The following ADAMTS19 variants were observed in gnomAD, a reference collection of about 807,000 sequenced individuals.
The protein encoded by ADAMTS19 is A disintegrin and metalloproteinase with thrombospondin motifs 19.
In ADAMTS19, 93 loss-of-function variants were observed where a neutral mutation model predicts 153.3. The observed-to-expected ratio is 0.61, with a 90% CI of 0.51 to 0.72. The LOEUF (loss-of-function observed/expected upper bound fraction) is 0.72, where lower values mean the gene tolerates loss of function less well. Ranked by LOEUF, ADAMTS19 falls within the 30% of genes least tolerant of loss-of-function variation. The pLI is 0.00. For missense variants in ADAMTS19, 1,482 were observed against 1,552.1 expected (o/e 0.95, Z 0.76); for synonymous variants, 600 against 556.6 (o/e 1.08, Z -1.10).
intron 2 of ADAMTS19, among the ~76,000 whole-genome samples, chr5:129,479,246 C>T (rs1247929225): frequency 6.6e-6 from 1 of 152,014 alleles, no homozygotes; most frequent in Admixed American, 6.6e-5. Context: ...ATCCTTTGAT[C>T]CAAGATATGG....
chr5:129,584,906 C>A (rs114553076), intron 7 of ADAMTS19, among the ~76,000 whole-genome samples: 1,727 of 152,220 alleles, frequency 0.011, 32 homozygotes, highest in African/African-American at 0.039. Flanking sequence ...GGGAGTGATT[C>A]GTTCTGTCTT....
rs144199225 is a variant in ADAMTS19, at chr5:129,711,398, G to A, written c.3312+7007G>A. 3.4e-3 allele frequency among the ~76,000 whole-genome samples: 522 copies of A among 152,242 alleles called. 4 individuals carry two copies. Among genetic ancestry groups the A allele is most frequent in the African/African-American group, 0.012 (508 of 41,542 alleles). On this transcript the variant is annotated intron_variant, in intron 21 of 22. Transcript: ENST00000274487. ...CATATTAATCTGACAATTCTTGACT[G>A]GGCACGGTGGCTCACGCCTGTAATC... is the stretch of plus-strand genomic sequence containing the variant.
chr5:129,599,857 G>T (rs2126927050), intron 8 of ADAMTS19, among the ~76,000 whole-genome samples: 1 of 152,224 alleles, frequency 6.6e-6, no homozygotes, highest in East Asian at 1.9e-4. Flanking sequence ...ATACTTGATG[G>T]ACTAGGACCA....
At chr5:129,625,058 A>G (rs1037969557) in intron 10 of ADAMTS19, among the ~76,000 whole-genome samples, 7 of 151,352 alleles carry the variant, frequency 4.6e-5, no homozygotes, top group South Asian at 4.2e-4. Context: ...TCATTGTTCA[A>G]TTTCGACCTA....
intron 13 of ADAMTS19, among the ~76,000 whole-genome samples, chr5:129,649,609 G>C (rs1343135507): frequency 6.6e-6 from 1 of 152,174 alleles, no homozygotes; most frequent in Non-Finnish European, 1.5e-5. Flanking sequence ...GTAGAATGAG[G>C]AAGATCTTTG....
chr5:129,660,973 C>T (rs1753791805), intron 15 of ADAMTS19, among the ~76,000 whole-genome samples: 1 of 152,140 alleles, frequency 6.6e-6, no homozygotes, highest in South Asian at 2.1e-4. Flanking sequence ...CAACAGCCTC[C>T]GCCACACACA....
intron 11 of ADAMTS19, among the ~76,000 whole-genome samples, chr5:129,646,116 C>T (rs1753057357): frequency 6.6e-6 from 1 of 151,230 alleles, no homozygotes; most frequent in African/African-American, 2.4e-5. Context: ...TCTCGATCTC[C>T]TGACCTCGTG....
At chr5:129,647,727 C>T (rs1373551648) in intron 11 of ADAMTS19, 38 bp from the exon 12 acceptor site, 37 of 1,602,752 alleles carry the variant, frequency 2.3e-5, no homozygotes, top group Non-Finnish European at 3.0e-5. Flanking sequence ...TTCAGTTGTG[C>T]CCTGATTTGT....
intron 14 of ADAMTS19, among the ~76,000 whole-genome samples, chr5:129,658,343 A>AAGAAAGAAAGAGAGAGAGAGAGAG (rs1554103334): frequency 5.3e-5 from 6 of 112,214 alleles, no homozygotes; most frequent in African/African-American, 2.4e-4. Context: ...GAAAGAAAGA[A>AAGAAAGAAAGAGAGAGAGAGAGAG]AGAAAGAAAG....
At position 129,521,269 on chromosome 5, in the gene ADAMTS19, G is replaced by A. The variant is rs186858139; in HGVS notation, c.914-5015G>A. Among the ~76,000 whole-genome samples the A allele has an allele frequency of 5.9e-5, 9 of 151,764 alleles. No individual in the cohort carries two copies. The East Asian group carries it at 1.7e-3, about 29-fold the overall frequency. Reference sequence around the variant, plus strand: ...GTTTGTTAAAAGCAAAATTTTTACCGAGAGCACAGAGTATACATCTAGGTG... The same window carrying A: ...GTTTGTTAAAAGCAAAATTTTTACCAAGAGCACAGAGTATACATCTAGGTG... On this transcript the variant is annotated intron_variant, in intron 3 of 22. Coordinates refer to ENST00000274487, the MANE Select transcript of ADAMTS19 (RefSeq NM_133638.6).
chr5:129,725,539 G>C (rs1178415729), intron 21 of ADAMTS19, among the ~76,000 whole-genome samples: 2 of 152,060 alleles, frequency 1.3e-5, no homozygotes, highest in East Asian at 3.9e-4. Context: ...CCCAATTCCT[G>C]AGATCTTATT....
At chr5:129,726,794 G>C (rs1757228957) in intron 21 of ADAMTS19, among the ~76,000 whole-genome samples, 1 of 151,990 alleles carries the variant, frequency 6.6e-6, no homozygotes, top group African/African-American at 2.4e-5. Context: ...TTTCCCATTT[G>C]AATTACAAAA....
intron 2 of ADAMTS19, among the ~76,000 whole-genome samples, chr5:129,478,600 G>A (rs1289927944): frequency 1.3e-5 from 2 of 152,170 alleles, no homozygotes; most frequent in African/African-American, 4.8e-5. Flanking sequence ...AGTCTGGAGT[G>A]CAGCGGTGTG....
intron 8 of ADAMTS19, among the ~76,000 whole-genome samples, chr5:129,610,090 G>C (rs994236815): frequency 2.5e-5 from 1 of 40,432 alleles, no homozygotes; most frequent in Admixed American, 2.0e-4. Context: ...CTAGGTAGTG[G>C]TATTATATAT....
intron 7 of ADAMTS19, among the ~76,000 whole-genome samples, chr5:129,588,253 T>G (rs1371538632): frequency 6.6e-6 from 1 of 152,172 alleles, no homozygotes; most frequent in Non-Finnish European, 1.5e-5. Context: ...GAGGGAGGAA[T>G]TGGAAGGGTA....
chr5:129,658,544 T>C, intron 14 of ADAMTS19, 73 bp from the exon 15 acceptor site: 1 of 1,501,688 alleles, frequency 6.7e-7, no homozygotes. Context: ...AGAGACTAGG[T>C]TTGTCCCAAA....
At chr5:129,700,194 C>G (rs1192502254) in intron 19 of ADAMTS19, among the ~76,000 whole-genome samples, 1 of 152,116 alleles carries the variant, frequency 6.6e-6, no homozygotes, top group African/African-American at 2.4e-5. Flanking sequence ...GTTTAGTGGT[C>G]CTTAAGGTAG....
At chr5:129,480,391 C>G (rs2126669129) in intron 2 of ADAMTS19, among the ~76,000 whole-genome samples, 1 of 152,264 alleles carries the variant, frequency 6.6e-6, no homozygotes, top group South Asian at 2.1e-4. Context: ...AAGAAAAATA[C>G]ATTACATAAT....
At chr5:129,553,167 T>A (rs886216362) in intron 7 of ADAMTS19, among the ~76,000 whole-genome samples, 1 of 152,120 alleles carries the variant, frequency 6.6e-6, no homozygotes, top group Non-Finnish European at 1.5e-5. Context: ...TAAGCAGCAA[T>A]GTTGCCCCCA....
Sources: gnomAD v4.1 joint callset for allele counts (sites outside exome capture counted in the v4.1 genomes callset) on GRCh38, gnomAD v4.1.1 for gene constraint, MANE v1.5 for transcripts, NCBI Gene and HGNC (gene_info 2026-07-23, HGNC 2026-07-21) for gene names.